SLC25A13: variants seen among roughly 807,000 people sequenced by gnomAD.
The protein encoded by SLC25A13 is solute carrier family 25 member 13.
Under a neutral mutation model 85.5 loss-of-function variants are expected in SLC25A13, and 70 were observed. That is an observed-to-expected ratio of 0.82 (90% CI 0.68 to 1.00). SLC25A13 has a LOEUF of 1.00. Among genes scored for constraint, SLC25A13 ranks in the 50% least tolerant of loss-of-function variants. The pLI is 0.00. For missense variants in SLC25A13, 765 were observed against 819.8 expected (o/e 0.93, Z 0.82); for synonymous variants, 259 against 288.7 (o/e 0.90, Z 1.04).
At chr7:96,151,019 G>T (rs1326776652) in intron 13 of SLC25A13, among the ~76,000 whole-genome samples, 1 of 152,116 alleles carries the variant, frequency 6.6e-6, no homozygotes, top group Non-Finnish European at 1.5e-5. Context: ...GTTCAAAGGA[G>T]GGCAAGAGCT....
At chr7:96,148,381 A>C (rs1562794867) in intron 13 of SLC25A13, among the ~76,000 whole-genome samples, 2 of 151,382 alleles carry the variant, frequency 1.3e-5, no homozygotes, top group South Asian at 4.2e-4. Context: ...GAGAAGAACA[A>C]CTCCCTGGTT....
At chr7:96,275,749 G>A (rs1798423570) in intron 3 of SLC25A13, among the ~76,000 whole-genome samples, 1 of 152,040 alleles carries the variant, frequency 6.6e-6, no homozygotes, top group African/African-American at 2.4e-5. Flanking sequence ...GGTCGGGGGA[G>A]TGGGGAGGGA....
In SLC25A13 at chr7:96,262,674, G is replaced by A. The variant is rs979751226; in HGVS notation, c.212+14522C>T. Among the ~76,000 whole-genome samples, 3 of 152,080 alleles carry A rather than the reference G, an allele frequency of 2.0e-5. No homozygotes were observed. The East Asian group carries it at 5.8e-4, about 29-fold the overall frequency. ...CTCAAGGGCAAAGAATCTTGCAAAG[G>A]CCATCAGAACTTCTAAGCAAAGACA... On this transcript the variant is annotated intron_variant, in intron 3 of 17. Coordinates refer to ENST00000265631, the MANE Select transcript of SLC25A13 (RefSeq NM_014251.3).
At chr7:96,240,215 C>T (rs889366367) in intron 3 of SLC25A13, among the ~76,000 whole-genome samples, 5 of 152,090 alleles carry the variant, frequency 3.3e-5, no homozygotes, top group African/African-American at 9.7e-5. Flanking sequence ...AAATAAATGA[C>T]TCAATGAATT....
intron 4 of SLC25A13, among the ~76,000 whole-genome samples, chr7:96,212,274 G>C (rs974786062): frequency 5.9e-5 from 9 of 152,214 alleles, no homozygotes; most frequent in African/African-American, 2.2e-4. Context: ...TTGTAGGAAT[G>C]TCAGGGCTTA....
chr7:96,227,548 T>C (rs1562859460), intron 4 of SLC25A13, among the ~76,000 whole-genome samples: 4 of 152,096 alleles, frequency 2.6e-5, no homozygotes, highest in Admixed American at 2.0e-4. Context: ...CTGTAGTAAT[T>C]AAGATAGTAT....
chr7:96,214,317 TA>T (rs1439885068), intron 4 of SLC25A13, among the ~76,000 whole-genome samples: 27 of 152,082 alleles, frequency 1.8e-4, no homozygotes, highest in African/African-American at 6.5e-4. Flanking sequence ...AAGAAATCAC[TA>T]AAAAATTATT....
chr7:96,299,644 T>G (rs112620146), intron 1 of SLC25A13, among the ~76,000 whole-genome samples: 1 of 152,222 alleles, frequency 6.6e-6, no homozygotes, highest in African/African-American at 2.4e-5. Flanking sequence ...CTTCAAAGTG[T>G]TGATAACTTG....
rs1479892815 is a variant in SLC25A13, at chr7:96,120,318, G to A, written c.*873C>T. 1 of 453,950 alleles carries A rather than the reference G, an allele frequency of 2.2e-6. No homozygotes were observed. Among genetic ancestry groups the A allele is most frequent in the African/African-American group, 2.0e-5 (1 of 49,998 alleles). 28.1% of individuals were successfully genotyped at this position (453,950 alleles called of 1,614,324 possible). A position where few individuals can be genotyped will look rare whatever the true frequency, so the allele number is the denominator to read the frequency against. ...TAAATACTTATGTCAGAACATATTTGTCTTACATTATTCAAGATAAAGTGG... is the reference window on the plus strand; with the variant it reads ...TAAATACTTATGTCAGAACATATTTATCTTACATTATTCAAGATAAAGTGG... On this transcript the variant is annotated 3_prime_UTR_variant, in exon 18 of 18. Transcript: ENST00000265631.
chr7:96,208,904 C>T lies in SLC25A13; in HGVS notation c.402G>A (p.Val134=), dbSNP rs1795572796. ...TTCTTTCTTTTCCAAAATGTAGTTG[C>T]ACAAATTCTGAATCCCAGTTAAATG... The part of the protein sequence containing the change: ...HIPFNWDSEF[V]QLHFGKERKR... The change falls in exon 5 of 18, where the codon GTG becomes GTA. Residue 134 remains valine (V), a synonymous_variant. Transcript: ENST00000265631. The T allele has an allele frequency of 6.2e-7, 1 of 1,614,008 alleles. No homozygotes were observed.
At chr7:96,244,754 G>A (rs3936186) in intron 3 of SLC25A13, among the ~76,000 whole-genome samples, 94,825 of 151,964 alleles carry the variant, frequency 0.62, 29,950 homozygotes, top group African/African-American at 0.69. Context: ...TTCAAATCTC[G>A]CTGCAGTGTT....
At chr7:96,175,133 T>G (rs1349132849) in intron 11 of SLC25A13, among the ~76,000 whole-genome samples, 1 of 152,170 alleles carries the variant, frequency 6.6e-6, no homozygotes, top group Non-Finnish European at 1.5e-5. Context: ...AACCAGTTCT[T>G]CTGCCTGCAG....
chr7:96,219,235 C>G (rs1796010949), intron 4 of SLC25A13, among the ~76,000 whole-genome samples: 1 of 152,170 alleles, frequency 6.6e-6, no homozygotes, highest in African/African-American at 2.4e-5. Flanking sequence ...ATTGAGTTCT[C>G]TATAATCCCC....
chr7:96,229,489 C>T (rs538953034), intron 4 of SLC25A13, among the ~76,000 whole-genome samples: 1 of 152,246 alleles, frequency 6.6e-6, no homozygotes, highest in East Asian at 1.9e-4. Flanking sequence ...GCAGTGGCAA[C>T]CTGCTCTGGT....
chr7:96,243,234 G>T (rs1379329980), intron 3 of SLC25A13, among the ~76,000 whole-genome samples: 1 of 152,182 alleles, frequency 6.6e-6, no homozygotes, highest in Admixed American at 6.5e-5. Flanking sequence ...CCAAAGTGCT[G>T]GGATTACAGG....
At chr7:96,154,023 A>G (rs1793152641) in intron 13 of SLC25A13, among the ~76,000 whole-genome samples, 1 of 152,224 alleles carries the variant, frequency 6.6e-6, no homozygotes, top group Non-Finnish European at 1.5e-5. Context: ...TTTAAAATGC[A>G]AATTTTCCTA....
chr7:96,207,679 T>C (rs1323231801), intron 5 of SLC25A13, among the ~76,000 whole-genome samples: 1 of 152,214 alleles, frequency 6.6e-6, no homozygotes, highest in African/African-American at 2.4e-5. Context: ...CATGATAATG[T>C]TGTATTTAAA....
At chr7:96,280,237 G>A (rs1211299333) in intron 2 of SLC25A13, among the ~76,000 whole-genome samples, 1 of 151,962 alleles carries the variant, frequency 6.6e-6, no homozygotes, top group Non-Finnish European at 1.5e-5. Context: ...ACTAGTACCT[G>A]GTAGATAGTG....
chr7:96,191,150 C>T lies in SLC25A13; in HGVS notation c.713G>A (p.Ser238Asn), dbSNP rs772867693. ...NNMELIRKIY[S>N]TLAGTRKDVE... ...ATCTTTCCTGGTGCCAGCCAGAGTG[C>T]TATAGATCTTTCTAATGAGTTCCAT... The change falls in exon 7 of 18, where the codon AGC (serine) becomes AAC (asparagine). Residue 238 changes from serine (S) to asparagine (N), a missense_variant. By Grantham distance (46) the Ser-to-Asn change is conservative. Transcript: ENST00000265631. 4 of 1,613,936 alleles carry T rather than the reference C, an allele frequency of 2.5e-6. No individual in the cohort carries two copies. The South Asian group carries it at 3.3e-5, about 13-fold the overall frequency.
Sources: allele counts gnomAD v4.1 joint callset (sites outside exome capture counted in the v4.1 genomes callset), GRCh38; gene constraint gnomAD v4.1.1; transcripts MANE v1.5; gene names NCBI Gene and HGNC (gene_info 2026-07-23, HGNC 2026-07-21).